The following STAB2 variants were observed in gnomAD, a reference collection of about 807,000 sequenced individuals.
STAB2 encodes the protein stabilin-2.
A neutral mutation model predicts 338.1 loss-of-function variants in STAB2; 288 were observed. The observed-to-expected ratio is 0.85, with a 90% CI of 0.77 to 0.94. STAB2 has a LOEUF of 0.94. STAB2 is among the 40% of genes least tolerant of loss of function. STAB2 has a pLI of 0.00. For synonymous variants in STAB2, 1,202 were observed against 1,193.3 expected, an observed-to-expected ratio of 1.01 and a Z score of -0.15; for missense variants, 3,141 against 3,210.1, an observed-to-expected ratio of 0.98 and a Z score of 0.52.
At chr12:103,738,727 AT>A (rs1184086649) in intron 53 of STAB2, among the ~76,000 whole-genome samples, 7 of 152,216 alleles carry the variant, frequency 4.6e-5, no homozygotes, top group Non-Finnish European at 1.0e-4. Context: ...ATCCCTATTT[AT>A]TATAAAACTA....
At chr12:103,760,802 C>T (rs1452121128) in intron 65 of STAB2, among the ~76,000 whole-genome samples, 1 of 152,162 alleles carries the variant, frequency 6.6e-6, no homozygotes, top group Non-Finnish European at 1.5e-5. Context: ...ACTAGTGTCT[C>T]TCAAAATTTA....
At chr12:103,659,126 C>A (rs1874409004) in intron 15 of STAB2, among the ~76,000 whole-genome samples, 1 of 152,164 alleles carries the variant, frequency 6.6e-6, no homozygotes, top group African/African-American at 2.4e-5. Context: ...TGGTCAATTT[C>A]AACATTTTTA....
rs538564047 is a variant in STAB2 at position 103,683,478 on chromosome 12, G to A, written c.2901+178G>A. ...TTCTACTTCATTCCAAAGCTTGGAAGAACCAACATATGACTTCCAGGTAAA... is the reference window on the plus strand; with the variant it reads ...TTCTACTTCATTCCAAAGCTTGGAAAAACCAACATATGACTTCCAGGTAAA... On this transcript the variant is annotated intron_variant, in intron 26 of 68. Coordinates refer to ENST00000388887, the MANE Select transcript of STAB2 (RefSeq NM_017564.10). 1.4e-4 allele frequency among the ~76,000 whole-genome samples: 22 copies of A among 152,286 alleles called. No individual in the cohort carries two copies. The East Asian group carries it at 3.1e-3, about 21-fold the overall frequency.
chr12:103,709,162 T>G (rs1028165394), intron 39 of STAB2, among the ~76,000 whole-genome samples: 2 of 152,162 alleles, frequency 1.3e-5, no homozygotes, highest in African/African-American at 4.8e-5. Flanking sequence ...CACATTGATT[T>G]TTCTTAATGT....
chr12:103,750,598 G>C lies in STAB2; in HGVS notation c.6458G>C (p.Cys2153Ser). ...CCACAGGGCAAGCACAAGTGTGAGT[G>C]TAAAAGTCACTATGTCGGAGATGGG... ...MTGPGKHKCE[C>S]KSHYVGDGLN... Residue 2153 changes from cysteine (C) to serine (S), a missense_variant, in exon 60 of 69, where the codon TGT becomes TCT. By Grantham distance (112) the Cys-to-Ser change is moderately radical. Transcript: ENST00000388887. 6.2e-7 allele frequency: 1 copy of C among 1,614,168 alleles called. No individual in the cohort carries two copies. Among genetic ancestry groups the C allele is most frequent in the Non-Finnish European group, 8.5e-7 (1 of 1,179,994 alleles).
intron 3 of STAB2, among the ~76,000 whole-genome samples, chr12:103,618,844 A>G (rs1957252148): frequency 6.6e-6 from 1 of 152,098 alleles, no homozygotes; most frequent in Admixed American, 6.5e-5. Flanking sequence ...GTCTCACCTT[A>G]AATTGTAATA....
intron 52 of STAB2, 34 bp downstream of exon 52, chr12:103,735,614 G>A: frequency 1.1e-6 from 1 of 876,098 alleles, no homozygotes; most frequent in South Asian, 1.5e-5. Context: ...GCAGGGAGGG[G>A]TTAACACATT....
intron 43 of STAB2, 93 bp downstream of exon 43, chr12:103,715,981 C>A: frequency 1.5e-6 from 2 of 1,308,740 alleles, no homozygotes; most frequent in Non-Finnish European, 2.1e-6. Flanking sequence ...TGAGAACGGA[C>A]CTCTAAAGAG....
chr12:103,626,603 T>C lies in STAB2; in HGVS notation c.487+4492T>C, dbSNP rs560020236. Among the ~76,000 whole-genome samples, 33 of 152,296 alleles carry C rather than the reference T, an allele frequency of 2.2e-4. No homozygotes were observed. In the South Asian group the frequency reaches 3.1e-3, roughly 14 times the overall value. On this transcript the variant is annotated intron_variant, in intron 5 of 68. Transcript: ENST00000388887. ...AGCAAGTCACGGATGAATGAATGGA[T>C]GAATGAATGACTCAGCGATGCCTGG...
Position 103,737,655 on chromosome 12 carries a change from C to A in STAB2, c.5572C>A (p.Gln1858Lys). 1 of 1,592,814 alleles carries A rather than the reference C, an allele frequency of 6.3e-7. No individual in the cohort carries two copies. Among genetic ancestry groups the A allele is most frequent in the East Asian group, 2.3e-5 (1 of 43,738 alleles). Residue 1858 changes from glutamine (Q) to lysine (K), a missense_variant, in exon 53 of 69, where the codon CAA becomes AAA. Gln to Lys is a moderately conservative substitution (Grantham distance 53, BLOSUM62 1). Coordinates refer to ENST00000388887, the MANE Select transcript of STAB2 (RefSeq NM_017564.10). ...TTAGGGTGACCTCTTTCTGAATGGCCAAACCTGCAGAATTGTGCAGCGGGA... is the reference window on the plus strand; with the variant it reads ...TTAGGGTGACCTCTTTCTGAATGGCAAAACCTGCAGAATTGTGCAGCGGGA... ...RDIGDLFLNG[Q>K]TCRIVQRELL...
chr12:103,661,615 G>C (rs1874628133), intron 17 of STAB2, among the ~76,000 whole-genome samples: 1 of 152,214 alleles, frequency 6.6e-6, no homozygotes. Flanking sequence ...AGCAAGGAAG[G>C]GGGACAGAAG....
chr12:103,680,692 G>C (rs1876818960), intron 25 of STAB2, among the ~76,000 whole-genome samples: 2 of 152,230 alleles, frequency 1.3e-5, no homozygotes, highest in Admixed American at 1.3e-4. Context: ...GGAAGATGCA[G>C]TGATAAGCAC....
chr12:103,658,149 G>A (rs75712475), intron 15 of STAB2, among the ~76,000 whole-genome samples: 15,538 of 152,262 alleles, frequency 0.1, 881 homozygotes, highest in South Asian at 0.22. Flanking sequence ...CACCCTGCAA[G>A]TAAAGTGGGG....
chr12:103,668,590 T>C, intron 19 of STAB2, 53 bp from the exon 20 acceptor site: 1 of 1,492,946 alleles, frequency 6.7e-7, no homozygotes, highest in East Asian at 2.5e-5. Flanking sequence ...GTGCAGTGCC[T>C]GGAGGACCTA....
At position 103,591,010 on chromosome 12, in the gene STAB2, T is replaced by C. The variant is rs1565947776; in HGVS notation, c.195T>C (p.Ser65=). ...PDGYTMITSG[S]VGVRDCRYTF... is the part of the protein sequence containing the mutation. ...GTTACACCATGATTACCAGTGGCTC[T>C]GTAGGGGTTCGAGATTGCAGGTACT... The change falls in exon 2 of 69, where the codon TCT becomes TCC. Residue 65 remains serine (S), a synonymous_variant. Coordinates refer to ENST00000388887, the MANE Select transcript of STAB2 (RefSeq NM_017564.10). 1 of 1,614,058 alleles carries C rather than the reference T, an allele frequency of 6.2e-7. No homozygotes were observed.
chr12:103,650,451 G>T, intron 10 of STAB2, 45 bp from the exon 11 acceptor site: 1 of 1,565,944 alleles, frequency 6.4e-7, no homozygotes, highest in South Asian at 1.1e-5. Context: ...CTGTACCACT[G>T]ACTCATTTGG....
At chr12:103,638,881 G>A (rs942245652) in intron 8 of STAB2, among the ~76,000 whole-genome samples, 4 of 152,220 alleles carry the variant, frequency 2.6e-5, no homozygotes, top group Admixed American at 6.5e-5. Context: ...CCATACAGAA[G>A]GGTATTGCTG....
At chr12:103,744,171 TCTCA>T (rs1304218156) in intron 56 of STAB2, among the ~76,000 whole-genome samples, 9 of 151,596 alleles carry the variant, frequency 5.9e-5, no homozygotes, top group Admixed American at 3.9e-4. Flanking sequence ...TGAGACAAAA[TCTCA>T]CTCTATCACC....
chr12:103,720,527 T>A (rs1171949260), intron 44 of STAB2, among the ~76,000 whole-genome samples: 1 of 152,220 alleles, frequency 6.6e-6, no homozygotes, highest in Non-Finnish European at 1.5e-5. Flanking sequence ...TGAATTTGTA[T>A]GTAAATTTTA....
Sources: gnomAD v4.1 joint callset for allele counts (sites outside exome capture counted in the v4.1 genomes callset) on GRCh38, gnomAD v4.1.1 for gene constraint, MANE v1.5 for transcripts, NCBI Gene and HGNC (gene_info 2026-07-23, HGNC 2026-07-21) for gene names.